NTM: variants seen among roughly 807,000 people sequenced by gnomAD.
NTM encodes the protein IgLON family member 2.
In NTM, 13 loss-of-function variants were observed where a neutral mutation model predicts 42.1. The ratio of observed to expected loss-of-function variants is 0.31; its 90% confidence interval spans 0.20 to 0.49. The LOEUF is 0.49. Among genes scored for constraint, NTM ranks in the 20% least tolerant of loss-of-function variants. The pLI is 0.99. For missense variants in NTM, 373 were observed against 452.8 expected, an observed-to-expected ratio of 0.82 and a Z score of 1.60; for synonymous variants, 187 against 179.2, an observed-to-expected ratio of 1.04 and a Z score of -0.35.
intron 2 of NTM, among the ~76,000 whole-genome samples, chr11:132,044,625 T>C (rs2077726081): frequency 1.3e-5 from 2 of 152,076 alleles, no homozygotes; most frequent in Admixed American, 6.5e-5. Flanking sequence ...ATGGGTGTGA[T>C]AGGAACGAGC....
At chr11:131,397,939 A>G (rs1944739355) in intron 1 of NTM, among the ~76,000 whole-genome samples, 1 of 152,216 alleles carries the variant, frequency 6.6e-6, no homozygotes, top group Non-Finnish European at 1.5e-5. Flanking sequence ...CTTGACAATT[A>G]TGTCAGTACA....
chr11:132,095,700 C>G (rs2060893632), intron 2 of NTM, among the ~76,000 whole-genome samples: 1 of 152,228 alleles, frequency 6.6e-6, no homozygotes, highest in South Asian at 2.1e-4. Context: ...TTGTCACCCA[C>G]ATGGTTATGT....
At chr11:132,294,061 G>A (rs959691541) in intron 4 of NTM, among the ~76,000 whole-genome samples, 1 of 152,158 alleles carries the variant, frequency 6.6e-6, no homozygotes, top group African/African-American at 2.4e-5. Flanking sequence ...CAGGCTAGCT[G>A]TCCCCACAGG....
At chr11:131,511,728 C>T (rs2136464996) in intron 1 of NTM, among the ~76,000 whole-genome samples, 1 of 152,330 alleles carries the variant, frequency 6.6e-6, no homozygotes, top group East Asian at 1.9e-4. Context: ...CTGCGTCCTC[C>T]ACCTCCTTTC....
At chr11:131,452,737 T>C (rs917013054) in intron 1 of NTM, among the ~76,000 whole-genome samples, 1 of 152,164 alleles carries the variant, frequency 6.6e-6, no homozygotes, top group Non-Finnish European at 1.5e-5. Flanking sequence ...TTCTCTGAGA[T>C]TCCTGAGAGC....
At chr11:132,057,598 T>C (rs1362524985) in intron 2 of NTM, among the ~76,000 whole-genome samples, 5 of 152,224 alleles carry the variant, frequency 3.3e-5, no homozygotes, top group Non-Finnish European at 7.3e-5. Flanking sequence ...TCCTTTCCTC[T>C]GTACTTCTGC....
chr11:132,247,229 T>A (rs1049753542), intron 4 of NTM, among the ~76,000 whole-genome samples: 1 of 152,074 alleles, frequency 6.6e-6, no homozygotes, highest in African/African-American at 2.4e-5. Context: ...GACAGGGAGG[T>A]TGTCAGAGAC....
At chr11:131,848,899 A>G (rs1291402775) in intron 1 of NTM, among the ~76,000 whole-genome samples, 1 of 152,202 alleles carries the variant, frequency 6.6e-6, no homozygotes, top group Non-Finnish European at 1.5e-5. Flanking sequence ...CCAGTAGCAT[A>G]TTATATTACT....
chr11:131,422,689 T>C (rs1947665976), intron 1 of NTM, among the ~76,000 whole-genome samples: 2 of 152,194 alleles, frequency 1.3e-5, no homozygotes, highest in African/African-American at 4.8e-5. Context: ...CTCCCGCCCT[T>C]CCAAGGAATG....
chr11:131,998,381 G>C lies in NTM; in HGVS notation c.167+86733G>C, dbSNP rs1484681787. ...GTATCCGGCATGTGGCAGGGGGAAGGCTTCTAGCTCTGCTGCATCCTGGGC... is the reference window on the plus strand; with the variant it reads ...GTATCCGGCATGTGGCAGGGGGAAGCCTTCTAGCTCTGCTGCATCCTGGGC... On this transcript the variant is annotated intron_variant, in intron 2 of 8. Coordinates refer to ENST00000683400, the MANE Select transcript of NTM (RefSeq NM_001352005.2). Among the ~76,000 whole-genome samples, 4 of 152,128 alleles carry C rather than the reference G, an allele frequency of 2.6e-5. 1 individual carries two copies. The highest frequency in any genetic ancestry group is 4.8e-5 in the African/African-American group (2 of 41,418).
intron 6 of NTM, 22 bp from the exon 7 acceptor site, chr11:132,314,530 T>C: frequency 6.3e-7 from 1 of 1,598,846 alleles, no homozygotes; most frequent in Non-Finnish European, 8.5e-7. Context: ...TTTTCTTCTT[T>C]TTTGTCTTTT....
chr11:132,314,073 T>C (rs955554325), intron 6 of NTM, among the ~76,000 whole-genome samples: 1 of 152,202 alleles, frequency 6.6e-6, no homozygotes, highest in African/African-American at 2.4e-5. Flanking sequence ...CAGGAGAAAT[T>C]AGATTACCAG....
intron 6 of NTM, among the ~76,000 whole-genome samples, chr11:132,311,364 A>G (rs2136104637): frequency 6.6e-6 from 1 of 152,292 alleles, no homozygotes; most frequent in South Asian, 2.1e-4. Flanking sequence ...AAAAATTTTT[A>G]AGGACACATT....
intron 3 of NTM, among the ~76,000 whole-genome samples, chr11:132,158,891 T>C (rs1432460429): frequency 6.6e-6 from 1 of 151,946 alleles, no homozygotes; most frequent in Non-Finnish European, 1.5e-5. Context: ...CAAAGATGAG[T>C]CACTCCAGGT....
intron 1 of NTM, among the ~76,000 whole-genome samples, chr11:131,382,311 T>C (rs1188654267): frequency 6.6e-6 from 1 of 152,126 alleles, no homozygotes; most frequent in African/African-American, 2.4e-5. Flanking sequence ...AGAACACATA[T>C]CAAGAATGAC....
At chr11:131,371,508 G>T (rs566884572) in intron 1 of NTM, among the ~76,000 whole-genome samples, 255 of 152,106 alleles carry the variant, frequency 1.7e-3, no homozygotes, top group African/African-American at 6.0e-3. Flanking sequence ...GAGGGGAGCC[G>T]GGGCTCTGAA....
chr11:131,563,981 T>G (rs937066358), intron 1 of NTM, among the ~76,000 whole-genome samples: 1 of 152,166 alleles, frequency 6.6e-6, no homozygotes, highest in South Asian at 2.1e-4. Flanking sequence ...TCCCCAGACC[T>G]TGTCCTGGTC....
At chr11:131,712,082 T>A (rs373953100) in intron 1 of NTM, among the ~76,000 whole-genome samples, 1 of 149,266 alleles carries the variant, frequency 6.7e-6, no homozygotes, top group Non-Finnish European at 1.5e-5. Flanking sequence ...TGTATACATA[T>A]GTAACTAACC....
chr11:132,062,261 G>C (rs1471093875), intron 2 of NTM, among the ~76,000 whole-genome samples: 1 of 152,142 alleles, frequency 6.6e-6, no homozygotes, highest in Non-Finnish European at 1.5e-5. Flanking sequence ...ATTTCTGTTT[G>C]TTTTTATATT....
Sources: allele counts gnomAD v4.1 joint callset (sites outside exome capture counted in the v4.1 genomes callset), GRCh38; gene constraint gnomAD v4.1.1; transcripts MANE v1.5; gene names NCBI Gene and HGNC (gene_info 2026-07-23, HGNC 2026-07-21).